The following SLCO6A1 variants were observed in gnomAD, a reference collection of about 807,000 sequenced individuals.
SLCO6A1 encodes solute carrier organic anion transporter family member 6A1.
In SLCO6A1, 65 loss-of-function variants were observed where a neutral mutation model predicts 72.7. The observed-to-expected ratio is 0.89, with a 90% confidence interval of 0.73 to 1.10. The LOEUF is 1.10. Ranked by LOEUF, SLCO6A1 falls within the 50% of genes least tolerant of loss-of-function variation. SLCO6A1 has a pLI of 0.00. For synonymous variants in SLCO6A1, 314 were observed against 298.2 expected (o/e 1.05, Z -0.55); for missense variants, 874 against 872.6 (o/e 1.00, Z -0.02).
At chr5:102,392,276 C>G (rs1299645431) in intron 10 of SLCO6A1, among the ~76,000 whole-genome samples, 1 of 151,946 alleles carries the variant, frequency 6.6e-6, no homozygotes, top group Admixed American at 6.6e-5. Context: ...CAAATGATAA[C>G]TAAATTTTTA....
At chr5:102,425,203 C>A (rs960637884) in intron 7 of SLCO6A1, among the ~76,000 whole-genome samples, 2 of 152,076 alleles carry the variant, frequency 1.3e-5, no homozygotes, top group Middle Eastern at 3.2e-3. Flanking sequence ...CCTTTGAAAA[C>A]TGGCACAAGA....
chr5:102,433,721 G>C (rs1749346678), intron 7 of SLCO6A1, among the ~76,000 whole-genome samples: 1 of 152,150 alleles, frequency 6.6e-6, no homozygotes, highest in Non-Finnish European at 1.5e-5. Flanking sequence ...GTGGCAATGG[G>C]ATCCATCCTG....
intron 4 of SLCO6A1, among the ~76,000 whole-genome samples, chr5:102,463,898 A>AG (rs200571364): frequency 0.022 from 2,894 of 130,844 alleles, 55 homozygotes; most frequent in African/African-American, 0.051. Flanking sequence ...AAAAAGAAGA[A>AG]AAAAAAAAAA....
chr5:102,471,809 T>G (rs1751642002), intron 4 of SLCO6A1, among the ~76,000 whole-genome samples: 1 of 152,044 alleles, frequency 6.6e-6, no homozygotes, highest in African/African-American at 2.4e-5. Context: ...AAGGGAACTA[T>G]TTTTAGTAAT....
At chr5:102,435,787 A>C (rs1157490709) in intron 7 of SLCO6A1, among the ~76,000 whole-genome samples, 1 of 151,990 alleles carries the variant, frequency 6.6e-6, no homozygotes, top group Non-Finnish European at 1.5e-5. Context: ...AGGCAGGAGA[A>C]TCGCTTGAAC....
intron 12 of SLCO6A1, 119 bp from the exon 13 acceptor site, chr5:102,373,613 C>T: frequency 1.9e-6 from 1 of 538,354 alleles, no homozygotes; most frequent in Non-Finnish European, 2.9e-6. Context: ...ATAAATTTCC[C>T]AATTTTAGAA....
At chr5:102,435,631 T>C (rs1749487877) in intron 7 of SLCO6A1, among the ~76,000 whole-genome samples, 1 of 152,130 alleles carries the variant, frequency 6.6e-6, no homozygotes, top group African/African-American at 2.4e-5. Context: ...TCCCAGCACT[T>C]TGGGAGGCCA....
chr5:102,430,135 T>C (rs981244160), intron 7 of SLCO6A1, among the ~76,000 whole-genome samples: 5 of 152,154 alleles, frequency 3.3e-5, no homozygotes, highest in African/African-American at 1.2e-4. Context: ...ATATTATTGA[T>C]TTTTGTATGT....
chr5:102,397,543 G>A (rs1257486232), intron 10 of SLCO6A1, among the ~76,000 whole-genome samples: 1 of 151,956 alleles, frequency 6.6e-6, no homozygotes, highest in African/African-American at 2.4e-5. Context: ...CTTTTTTTGA[G>A]GTCGGCCATG....
At chr5:102,420,581 A>G (rs1748539367) in intron 7 of SLCO6A1, among the ~76,000 whole-genome samples, 1 of 150,732 alleles carries the variant, frequency 6.6e-6, no homozygotes, top group Non-Finnish European at 1.5e-5. Context: ...AAAGAGAAAA[A>G]GGAGGGGGAG....
intron 6 of SLCO6A1, among the ~76,000 whole-genome samples, chr5:102,451,187 A>G (rs1750398130): frequency 6.6e-6 from 1 of 152,172 alleles, no homozygotes; most frequent in African/African-American, 2.4e-5. Context: ...ATTGCTCCCT[A>G]TCGAGCCTGA....
Position 102,477,851 on chromosome 5 carries a change from T to C in SLCO6A1, c.627A>G (p.Glu209=). 6.3e-7 allele frequency: 1 copy of C among 1,595,946 alleles called. No homozygotes were observed. Among genetic ancestry groups the C allele is most frequent in the Middle Eastern group, 1.7e-4 (1 of 5,960 alleles). ...GGCAACCACTGACAACCTTTATTTC[T>C]TCGCAAATATCTTTTGAAAATACAA... is the stretch of plus-strand genomic sequence containing the variant. ...QSKVGIEDIC[E]EIKVVSGCQS... The change falls in exon 3 of 14, where the codon GAA becomes GAG. Residue 209 remains glutamate, a synonymous_variant. Coordinates refer to ENST00000506729, the MANE Select transcript of SLCO6A1 (RefSeq NM_173488.5).
intron 12 of SLCO6A1, among the ~76,000 whole-genome samples, chr5:102,376,277 A>G (rs1745788040): frequency 1.3e-5 from 2 of 152,184 alleles, no homozygotes; most frequent in South Asian, 4.1e-4. Context: ...AAATGCTAAA[A>G]AAGATGTTCT....
chr5:102,452,604 T>C (rs1750477490), intron 6 of SLCO6A1, among the ~76,000 whole-genome samples: 1 of 152,224 alleles, frequency 6.6e-6, no homozygotes, highest in Non-Finnish European at 1.5e-5. Flanking sequence ...ACTATTAAAA[T>C]TACTGACATT....
intron 7 of SLCO6A1, among the ~76,000 whole-genome samples, chr5:102,426,308 A>G (rs1748888871): frequency 6.6e-6 from 1 of 152,358 alleles, no homozygotes; most frequent in South Asian, 2.1e-4. Context: ...ACAGCAAAAG[A>G]AACTATCATC....
At chr5:102,435,380 T>C (rs1328265501) in intron 7 of SLCO6A1, among the ~76,000 whole-genome samples, 1 of 152,192 alleles carries the variant, frequency 6.6e-6, no homozygotes, top group Non-Finnish European at 1.5e-5. Context: ...TATTATACTA[T>C]GACTGCTGTT....
At chr5:102,406,924 A>T (rs1325983528) in intron 9 of SLCO6A1, among the ~76,000 whole-genome samples, 2 of 152,208 alleles carry the variant, frequency 1.3e-5, no homozygotes, top group Non-Finnish European at 2.9e-5. Context: ...AAAAAGTAGC[A>T]AAAGATTATG....
intron 5 of SLCO6A1, among the ~76,000 whole-genome samples, chr5:102,459,312 T>C (rs539220747): frequency 2.1e-4 from 32 of 152,208 alleles, no homozygotes; most frequent in Admixed American, 1.9e-3. Context: ...CCAATTCTAC[T>C]CTGGAGGTGA....
chr5:102,472,617 T>C (rs1751686235), intron 4 of SLCO6A1, among the ~76,000 whole-genome samples: 1 of 151,822 alleles, frequency 6.6e-6, no homozygotes, highest in Non-Finnish European at 1.5e-5. Context: ...AAGGAAATAA[T>C]AGAGATTACA....
Sources: gnomAD v4.1 joint callset for allele counts (sites outside exome capture counted in the v4.1 genomes callset) on GRCh38, gnomAD v4.1.1 for gene constraint, MANE v1.5 for transcripts, NCBI Gene and HGNC (gene_info 2026-07-23, HGNC 2026-07-21) for gene names.